Variants in ZC3H12D observed in about 807,000 individuals in gnomAD.
ZC3H12D encodes the protein zinc finger CCCH-type containing 12D, also known as probable ribonuclease ZC3H12D.
In ZC3H12D, 11 loss-of-function variants were observed where a neutral mutation model predicts 24.2. The observed-to-expected ratio is 0.46, with a 90% CI of 0.29 to 0.75. The LOEUF is 0.75. Ranked by LOEUF, ZC3H12D falls within the 30% of genes least tolerant of loss-of-function variation. ZC3H12D has a pLI of 0.11. For missense variants in ZC3H12D, 740 were observed against 767.7 expected, an observed-to-expected ratio of 0.96 and a Z score of 0.43; for synonymous variants, 333 against 341.8, an observed-to-expected ratio of 0.97 and a Z score of 0.28.
chr6:149,483,857 T>G (rs1776461521), intron 1 of ZC3H12D, among the ~76,000 whole-genome samples: 1 of 152,156 alleles, frequency 6.6e-6, no homozygotes, highest in African/African-American at 2.4e-5. Flanking sequence ...AGCCAATTTC[T>G]CTCGTTTTTA....
chr6:149,458,124 G>GTTT (rs1562472740), intron 3 of ZC3H12D, among the ~76,000 whole-genome samples: 51 of 37,518 alleles, frequency 1.4e-3, no homozygotes, highest in Middle Eastern at 0.02. Flanking sequence ...TTTTTTTTTC[G>GTTT]TTTCTTTTTT....
Position 149,452,304 on chromosome 6 carries a change from G to T in ZC3H12D, c.787+312C>A. 3.3e-6 allele frequency: 1 copy of T among 300,360 alleles called. No individual in the cohort carries two copies. Among genetic ancestry groups the T allele is most frequent in the African/African-American group, 2.2e-5 (1 of 46,254 alleles). 18.6% of individuals were successfully genotyped at this position (300,360 alleles called of 1,614,324 possible). A position where few individuals can be genotyped will look rare whatever the true frequency, so the allele number is the denominator to read the frequency against. Reference sequence around the variant, plus strand: ...GAGGACAGAAGCTGCCAGGGGCCAGGTGAAGGGACTGAGACCCGCAGCTGG... The same window carrying T: ...GAGGACAGAAGCTGCCAGGGGCCAGTTGAAGGGACTGAGACCCGCAGCTGG... On this transcript the variant is annotated intron_variant, in intron 5 of 5. Transcript: ENST00000409806. The surrounding 1 kb of genome is among the most constrained non-coding windows in gnomAD (Gnocchi z 4.0).
At position 149,474,577 on chromosome 6, in the gene ZC3H12D, C is replaced by A. The variant is rs1380401434; in HGVS notation, c.-34G>T. On this transcript the variant is annotated 5_prime_UTR_variant, in exon 2 of 6. Coordinates refer to ENST00000409806, the MANE Select transcript of ZC3H12D (RefSeq NM_207360.3). ...CAGCGGCCACTGGCGCAGGTCCTGC[C>A]CCAGGCTTCCTCCTCTCAGAGCCCT... 2 of 1,436,942 alleles carry A rather than the reference C, an allele frequency of 1.4e-6. No homozygotes were observed. Among genetic ancestry groups the A allele is most frequent in the Non-Finnish European group, 1.8e-6 (2 of 1,084,236 alleles). 89.0% of individuals were successfully genotyped at this position (1,436,942 alleles called of 1,614,324 possible).
intron 1 of ZC3H12D, among the ~76,000 whole-genome samples, chr6:149,475,014 C>T (rs772660216): frequency 1.3e-5 from 2 of 152,090 alleles, no homozygotes; most frequent in Non-Finnish European, 2.9e-5. Flanking sequence ...ATATTTAGAG[C>T]TATGACCTCT....
chr6:149,465,764 AAAG>A (rs1776149636), intron 2 of ZC3H12D, among the ~76,000 whole-genome samples: 2 of 118,968 alleles, frequency 1.7e-5, no homozygotes, highest in African/African-American at 8.7e-5. Flanking sequence ...CAAAAAAAAA[AAAG>A]GGGGGGGGAA....
chr6:149,459,367 G>T (rs116467352), intron 3 of ZC3H12D, among the ~76,000 whole-genome samples: 1 of 152,188 alleles, frequency 6.6e-6, no homozygotes, highest in Admixed American at 6.5e-5. Context: ...AATGAAAGGT[G>T]GGGGGAGATC....
Position 149,448,423 on chromosome 6 carries a change from G to C in ZC3H12D, c.*2260C>G, listed in dbSNP as rs901185015. 6.6e-6 allele frequency: 1 copy of C among 152,092 alleles called. No individual in the cohort carries two copies. 9.4% of individuals were successfully genotyped at this position (152,092 alleles called of 1,614,324 possible). A position where few individuals can be genotyped will look rare whatever the true frequency, so the allele number is the denominator to read the frequency against. ...AGCTGGACGTGGTGGCACAACTGTA[G>C]TCCCAGCTACTCAGGAGGCTGAGGC... On this transcript the variant is annotated 3_prime_UTR_variant, in exon 6 of 6. Transcript: ENST00000409806.
intron 2 of ZC3H12D, among the ~76,000 whole-genome samples, chr6:149,462,995 C>T (rs430192): frequency 0.14 from 21,599 of 152,150 alleles, 1,617 homozygotes; most frequent in African/African-American, 0.19. Context: ...TGAGTCACTA[C>T]TCCTTAATAA....
chr6:149,467,059 G>A (rs190448206), intron 2 of ZC3H12D, among the ~76,000 whole-genome samples: 98 of 152,248 alleles, frequency 6.4e-4, no homozygotes, highest in Non-Finnish European at 1.0e-3. Flanking sequence ...TGAGAGACAG[G>A]AAGGGAACCT....
chr6:149,469,363 C>A (rs1471316263), intron 2 of ZC3H12D, among the ~76,000 whole-genome samples: 1 of 151,954 alleles, frequency 6.6e-6, no homozygotes, highest in African/African-American at 2.4e-5. Flanking sequence ...GAGGCTGAGG[C>A]AGGGGAATGG....
chr6:149,456,622 C>CCCCCCCCCCCCCCCCCCGGGGGGCGG lies in ZC3H12D; in HGVS notation c.680+43_680+44insCCGCCCCCCGGGGGGGGGGGGGGGGG. 2 of 1,314,356 alleles carry CCCCCCCCCCCCCCCCCCGGGGGGCGG rather than the reference C, an allele frequency of 1.5e-6. No individual in the cohort carries two copies. The highest frequency in any genetic ancestry group is 2.2e-6 in the Non-Finnish European group (2 of 921,306). The allele number at this position is 1,314,356 out of a possible 1,614,324, so 81.4% of individuals were successfully genotyped here. On this transcript the variant is annotated intron_variant, in intron 4 of 5. Coordinates refer to ENST00000409806, the MANE Select transcript of ZC3H12D (RefSeq NM_207360.3). This position sits in a 1 kb window ranked among gnomAD's most constrained non-coding sequence, Gnocchi z 4.3. ...GGCCACTGCCTCGACCCCGGCCCCC[C>CCCCCCCCCCCCCCCCCCGGGGGGCGG]GCCCCGCCGCCCCCCAGGGTGTCAG...
chr6:149,464,709 G>T (rs906698567), intron 2 of ZC3H12D, among the ~76,000 whole-genome samples: 1 of 152,188 alleles, frequency 6.6e-6, no homozygotes, highest in African/African-American at 2.4e-5. Context: ...TTGAATAAAC[G>T]AATGGCTGAG....
At chr6:149,473,472 C>T (rs993346825) in intron 2 of ZC3H12D, among the ~76,000 whole-genome samples, 2 of 152,224 alleles carry the variant, frequency 1.3e-5, no homozygotes, top group African/African-American at 2.4e-5. Flanking sequence ...TGGGCAACGC[C>T]CCACTTCGCC....
intron 2 of ZC3H12D, among the ~76,000 whole-genome samples, chr6:149,467,093 G>A (rs960030986): frequency 6.6e-6 from 1 of 151,970 alleles, no homozygotes; most frequent in Non-Finnish European, 1.5e-5. Context: ...GCTCTCAGTC[G>A]CCCTGGGAGC....
At position 149,451,311 on chromosome 6, in the gene ZC3H12D, C is replaced by T. The variant is rs571191256; in HGVS notation, c.956G>A (p.Arg319Gln). The change falls in exon 6 of 6, where the codon CGG (arginine) becomes CAG (glutamine). Residue 319 changes from arginine to glutamine, a missense_variant. Physicochemically the swap from Arg to Gln is conservative, Grantham distance 43 (BLOSUM62 1). Transcript: ENST00000409806. Reference sequence around the variant, plus strand: ...CGCAAATGGTTCCCGGGGGGCCGCCCGGGCTCCTGCGGAGCCGCCCGGGGC... The same window carrying T: ...CGCAAATGGTTCCCGGGGGGCCGCCTGGGCTCCTGCGGAGCCGCCCGGGGC... ...PRAPGGSAGA[R>Q]AAPREPFAHS... 8.2e-4 allele frequency: 1,085 copies of T among 1,331,176 alleles called. 8 individuals are homozygous for T. In the African/African-American group the frequency reaches 0.016, roughly 20 times the overall value. The allele number at this position is 1,331,176 out of a possible 1,614,324, so 82.5% of individuals were successfully genotyped here.
rs1775887510 is a variant in ZC3H12D, at chr6:149,451,152, C to A, written c.1115G>T (p.Arg372Leu). 4 of 1,334,020 alleles carry A rather than the reference C, an allele frequency of 3.0e-6. No homozygotes were observed. In the South Asian group the frequency reaches 8.1e-5, roughly 27 times the overall value. The allele number at this position is 1,334,020 out of a possible 1,614,324, so 82.6% of individuals were successfully genotyped here. A position where few individuals can be genotyped will look rare whatever the true frequency, so the allele number is the denominator to read the frequency against. ...LPVPACSLTPRLGGPDWVSAG... is the reference protein window; with the variant it reads ...LPVPACSLTPLLGGPDWVSAG... ...GGACACCCAGTCGGGCCCGCCCAGT[C>A]GGGGCGTGAGGCTGCAGGCGGGGAC... The change falls in exon 6 of 6, where the codon CGA becomes CTA. Residue 372 changes from arginine to leucine, a missense_variant. By Grantham distance (102) the Arg-to-Leu change is moderately radical. Coordinates refer to ENST00000409806, the MANE Select transcript of ZC3H12D (RefSeq NM_207360.3).
intron 1 of ZC3H12D, among the ~76,000 whole-genome samples, chr6:149,478,225 T>C (rs1776371812): frequency 6.6e-6 from 1 of 152,094 alleles, no homozygotes; most frequent in South Asian, 2.1e-4. Flanking sequence ...TTCTGTACTT[T>C]ACTCTTATCC....
rs181731876 is a variant in ZC3H12D, at chr6:149,466,198, C to A, written c.306-4228G>T. Among the ~76,000 whole-genome samples, 5 of 152,134 alleles carry A rather than the reference C, an allele frequency of 3.3e-5. No homozygotes were observed. The East Asian group carries it at 9.7e-4, about 29-fold the overall frequency. ...CCGTTTAGAGGCCAGGCCAGCCCAG[C>A]CACTGTGCAACAGAACCCAGTGAGG... On this transcript the variant is annotated intron_variant, in intron 2 of 5. Transcript: ENST00000409806.
intron 2 of ZC3H12D, among the ~76,000 whole-genome samples, chr6:149,468,518 G>A (rs1316869267): frequency 2.0e-5 from 3 of 152,248 alleles, no homozygotes; most frequent in African/African-American, 7.2e-5. Context: ...GCTATGGGCA[G>A]GAGGAAAGAG....
Sources: allele counts gnomAD v4.1 joint callset (sites outside exome capture counted in the v4.1 genomes callset), GRCh38; gene constraint gnomAD v4.1.1; non-coding constraint Gnocchi (gnomAD v3.1); transcripts MANE v1.5; gene names NCBI Gene and HGNC (gene_info 2026-07-23, HGNC 2026-07-21).